Variants in PPP1R21 observed in about 807,000 individuals in gnomAD.
PPP1R21 encodes protein phosphatase 1 regulatory subunit 21, also known as KLRAQ motif containing 1.
In PPP1R21, 85 loss-of-function variants were observed where a neutral mutation model predicts 112.8. The observed-to-expected ratio is 0.75, with a 90% CI of 0.63 to 0.90. PPP1R21 has a LOEUF of 0.90. Among genes scored for constraint, PPP1R21 ranks in the 40% least tolerant of loss-of-function variants. PPP1R21 has a pLI of 0.00. For missense variants in PPP1R21, 1,199 were observed against 901.5 expected (o/e 1.33, Z -4.23); for synonymous variants, 381 against 322.3 (o/e 1.18, Z -1.95).
chr2:48,504,730 T>G (rs183453161), intron 17 of PPP1R21, among the ~76,000 whole-genome samples: 131 of 152,336 alleles, frequency 8.6e-4, no homozygotes, highest in African/African-American at 3.1e-3. Context: ...AGTTTCCTTG[T>G]CATTGTGCCC....
At chr2:48,466,563 T>C (rs1668213563) in intron 9 of PPP1R21, among the ~76,000 whole-genome samples, 2 of 151,482 alleles carry the variant, frequency 1.3e-5, no homozygotes, top group African/African-American at 2.4e-5. Context: ...TGTGAGCGAG[T>C]GAGTGGTATG....
chr2:48,452,378 T>C (rs2103763056), intron 2 of PPP1R21, among the ~76,000 whole-genome samples: 1 of 152,272 alleles, frequency 6.6e-6, no homozygotes. Context: ...AACAACCCGA[T>C]GAGGTCAGAT....
chr2:48,481,930 T>C (rs931793729), intron 13 of PPP1R21, among the ~76,000 whole-genome samples: 3 of 152,158 alleles, frequency 2.0e-5, no homozygotes, highest in Non-Finnish European at 4.4e-5. Flanking sequence ...ATTAAAAGTA[T>C]CGTACAAAAT....
chr2:48,514,812 A>C lies in PPP1R21; in HGVS notation c.*68A>C. ...CCTGCTGCACAGAGCCGCAGGGCTG[A>C]GACCACGTCCATGCTGGCTGCCTTC... On this transcript the variant is annotated 3_prime_UTR_variant, in exon 22 of 22. Transcript: ENST00000294952. The C allele has an allele frequency of 3.2e-6, 5 of 1,545,550 alleles. No individual in the cohort carries two copies. Among genetic ancestry groups the C allele is most frequent in the Non-Finnish European group, 4.4e-6 (5 of 1,125,252 alleles).
intron 19 of PPP1R21, among the ~76,000 whole-genome samples, chr2:48,509,549 AC>A (rs1436346296): frequency 2.0e-5 from 3 of 151,812 alleles, no homozygotes; most frequent in African/African-American, 7.3e-5. Flanking sequence ...TACTAAAAAT[AC>A]AAAACTTAGC....
At chr2:48,472,298 G>T (rs527350745) in intron 11 of PPP1R21, among the ~76,000 whole-genome samples, 1 of 125,150 alleles carries the variant, frequency 8.0e-6, no homozygotes, top group East Asian at 2.3e-4. Flanking sequence ...GAACATGAGA[G>T]AAATAATATT....
chr2:48,484,476 CTAAAT>C (rs1178157434), intron 13 of PPP1R21, among the ~76,000 whole-genome samples: 1 of 150,566 alleles, frequency 6.6e-6, no homozygotes, highest in East Asian at 1.9e-4. Flanking sequence ...AAGAAACACT[CTAAAT>C]AATTAAAATC....
Position 48,507,304 on chromosome 2 carries a change from A to G in PPP1R21, c.2004A>G (p.Lys668=). 1 of 1,578,360 alleles carries G rather than the reference A, an allele frequency of 6.3e-7. No homozygotes were observed. The highest frequency in any genetic ancestry group is 8.6e-7 in the Non-Finnish European group (1 of 1,167,604). Reference sequence around the variant, plus strand: ...TGGAATCTCGTGAAGACTTAATTAAAAATCACTACATGGCAAGGATAGTGG... The same window carrying G: ...TGGAATCTCGTGAAGACTTAATTAAGAATCACTACATGGCAAGGATAGTGG... ...PDVESREDLI[K]NHYMARIVEL... The change falls in exon 19 of 22, where the codon AAA becomes AAG. Residue 668 remains lysine, a synonymous_variant. Coordinates refer to ENST00000294952, the MANE Select transcript of PPP1R21 (RefSeq NM_001135629.3).
intron 11 of PPP1R21, 81 bp downstream of exon 11, chr2:48,471,448 G>A (rs1251454626): frequency 8.3e-6 from 11 of 1,331,640 alleles, no homozygotes; most frequent in South Asian, 1.6e-5. Flanking sequence ...ATATTAACAT[G>A]TGCCTCTTGT....
chr2:48,483,786 T>C (rs551479451), intron 13 of PPP1R21, among the ~76,000 whole-genome samples: 1 of 152,280 alleles, frequency 6.6e-6, no homozygotes, highest in South Asian at 2.1e-4. Flanking sequence ...AACTTCTGAC[T>C]AACCCTGAGT....
At chr2:48,461,932 A>AG (rs1171722295) in intron 7 of PPP1R21, among the ~76,000 whole-genome samples, 1 of 152,210 alleles carries the variant, frequency 6.6e-6, no homozygotes, top group African/African-American at 2.4e-5. Context: ...AAAAAGAGGA[A>AG]GAAAAAAAAA....
At chr2:48,486,851 T>G in intron 14 of PPP1R21, 93 bp downstream of exon 14, 1 of 1,389,694 alleles carries the variant, frequency 7.2e-7, no homozygotes, top group Non-Finnish European at 9.8e-7. Flanking sequence ...AAAAGGATTT[T>G]GTAATATAAG....
chr2:48,443,691 A>G (rs1412583091), intron 1 of PPP1R21, among the ~76,000 whole-genome samples: 1 of 152,196 alleles, frequency 6.6e-6, no homozygotes, highest in East Asian at 1.9e-4. Flanking sequence ...TGATCAAAAG[A>G]TTTCTTGTGC....
intron 18 of PPP1R21, among the ~76,000 whole-genome samples, chr2:48,506,430 A>T (rs1670379773): frequency 6.6e-6 from 1 of 152,148 alleles, no homozygotes; most frequent in African/African-American, 2.4e-5. Context: ...ATAAACACTG[A>T]AGTCATCCAA....
chr2:48,512,037 C>T (rs1670666464), intron 21 of PPP1R21, among the ~76,000 whole-genome samples: 1 of 152,174 alleles, frequency 6.6e-6, no homozygotes. Context: ...ATTTCTCCTA[C>T]TGTTGCAGAA....
At chr2:48,508,025 A>T (rs1468953748) in intron 19 of PPP1R21, among the ~76,000 whole-genome samples, 1 of 151,642 alleles carries the variant, frequency 6.6e-6, no homozygotes, top group Non-Finnish European at 1.5e-5. Context: ...TCAGCCTCCC[A>T]AAGTGCTGGG....
intron 9 of PPP1R21, among the ~76,000 whole-genome samples, chr2:48,469,164 C>T (rs1389426617): frequency 6.6e-6 from 1 of 150,734 alleles, no homozygotes; most frequent in Non-Finnish European, 1.5e-5. Flanking sequence ...AATTACCTCC[C>T]CCTGGACACC....
At chr2:48,469,550 T>G (rs1389304110) in intron 9 of PPP1R21, among the ~76,000 whole-genome samples, 2 of 113,818 alleles carry the variant, frequency 1.8e-5, no homozygotes, top group Admixed American at 2.1e-4. Flanking sequence ...CATATATATA[T>G]ATAGAGAGAG....
intron 7 of PPP1R21, among the ~76,000 whole-genome samples, chr2:48,463,290 A>G (rs960844248): frequency 6.6e-6 from 1 of 152,138 alleles, no homozygotes; most frequent in Admixed American, 6.5e-5. Flanking sequence ...GGGGTGAGGT[A>G]GAAGCTGGAG....
Sources: allele counts gnomAD v4.1 joint callset (sites outside exome capture counted in the v4.1 genomes callset), GRCh38; gene constraint gnomAD v4.1.1; transcripts MANE v1.5; gene names NCBI Gene and HGNC (gene_info 2026-07-23, HGNC 2026-07-21).